The following OPCML variants were observed in gnomAD, a reference collection of about 807,000 sequenced individuals.
OPCML encodes the protein opioid-binding protein/cell adhesion molecule.
In OPCML, 13 loss-of-function variants were observed where a neutral mutation model predicts 37.8. The ratio of observed to expected loss-of-function variants is 0.34; its 90% CI spans 0.22 to 0.55. OPCML has a LOEUF of 0.55. Ranked by LOEUF, OPCML falls within the 20% of genes least tolerant of loss-of-function variation. OPCML has a pLI of 0.91. For synonymous variants in OPCML, 176 were observed against 168.8 expected (o/e 1.04, Z -0.33); for missense variants, 341 against 435.6 (o/e 0.78, Z 1.93).
chr11:132,454,965 C>A (rs772492882), intron 4 of OPCML, among the ~76,000 whole-genome samples: 15 of 152,230 alleles, frequency 9.9e-5, no homozygotes, highest in African/African-American at 2.9e-4. Flanking sequence ...ATCTGACTAA[C>A]CTTTTCCTGT....
At chr11:133,359,799 A>G (rs1944373855) in intron 1 of OPCML, among the ~76,000 whole-genome samples, 1 of 152,224 alleles carries the variant, frequency 6.6e-6, no homozygotes, top group Non-Finnish European at 1.5e-5. Context: ...CTCGGTATTT[A>G]GCGTATTAGT....
intron 4 of OPCML, among the ~76,000 whole-genome samples, chr11:132,461,625 T>C (rs1468053793): frequency 6.6e-6 from 1 of 152,204 alleles, no homozygotes; most frequent in Admixed American, 6.5e-5. Context: ...TAGCAAGAAC[T>C]TGGCCTTATA....
chr11:133,346,562 C>T (rs1038636411), intron 1 of OPCML, among the ~76,000 whole-genome samples: 1 of 152,118 alleles, frequency 6.6e-6, no homozygotes, highest in Non-Finnish European at 1.5e-5. Context: ...ATGCAGTCAC[C>T]AGGTGTCTGG....
intron 2 of OPCML, among the ~76,000 whole-genome samples, chr11:132,729,947 C>T (rs923608644): frequency 2.0e-5 from 3 of 148,908 alleles, no homozygotes; most frequent in Non-Finnish European, 4.5e-5. Context: ...ACAAAGACAA[C>T]AAACTGAGTT....
intron 2 of OPCML, among the ~76,000 whole-genome samples, chr11:132,687,369 CATATATAT>C (rs56834972): frequency 3.3e-3 from 163 of 49,312 alleles, no homozygotes; most frequent in Non-Finnish European, 5.9e-3. Context: ...CCTTAAGCTA[CATATATAT>C]ATATATATAT....
At chr11:133,138,107 G>A (rs1468774138) in intron 1 of OPCML, among the ~76,000 whole-genome samples, 1 of 152,154 alleles carries the variant, frequency 6.6e-6, no homozygotes, top group African/African-American at 2.4e-5. Flanking sequence ...ATGCTTTCTT[G>A]AAAGCGAGTT....
At chr11:132,990,369 A>T (rs1340079020) in intron 1 of OPCML, among the ~76,000 whole-genome samples, 1 of 152,202 alleles carries the variant, frequency 6.6e-6, no homozygotes, top group Non-Finnish European at 1.5e-5. Context: ...TCCTCTCTCA[A>T]CATTTCTGTC....
chr11:132,440,480 C>T (rs1370724625), intron 4 of OPCML, among the ~76,000 whole-genome samples: 3 of 152,234 alleles, frequency 2.0e-5, no homozygotes, highest in Admixed American at 6.5e-5. Flanking sequence ...TGCACTGTGC[C>T]GCGCTGTTCG....
intron 4 of OPCML, among the ~76,000 whole-genome samples, chr11:132,514,689 T>C (rs1347095846): frequency 2.0e-5 from 3 of 152,186 alleles, no homozygotes; most frequent in African/African-American, 7.2e-5. Context: ...ACTGCTTTCA[T>C]GCCTTCTGGG....
At chr11:132,421,310 A>G (rs2095958233) in intron 7 of OPCML, among the ~76,000 whole-genome samples, 1 of 152,158 alleles carries the variant, frequency 6.6e-6, no homozygotes, top group Non-Finnish European at 1.5e-5. Context: ...ATTTCTATAA[A>G]ACTAGTGAAG....
intron 4 of OPCML, among the ~76,000 whole-genome samples, chr11:132,448,213 T>C (rs1209475042): frequency 6.6e-6 from 1 of 152,208 alleles, no homozygotes; most frequent in Non-Finnish European, 1.5e-5. Flanking sequence ...ACTTCCTCTC[T>C]TTCTTTCCTT....
chr11:132,561,209 C>T (rs2096409937), intron 3 of OPCML, among the ~76,000 whole-genome samples: 1 of 152,164 alleles, frequency 6.6e-6, no homozygotes, highest in African/African-American at 2.4e-5. Context: ...TTCATTTTGG[C>T]TCTTACCCTG....
At chr11:132,861,776 A>G (rs561244776) in intron 2 of OPCML, among the ~76,000 whole-genome samples, 6 of 151,670 alleles carry the variant, frequency 4.0e-5, no homozygotes, top group Middle Eastern at 3.4e-3. Context: ...CGGAGCTTGC[A>G]GTGAGCTGAG....
chr11:132,805,903 A>G (rs779716195), intron 2 of OPCML, among the ~76,000 whole-genome samples: 2 of 152,242 alleles, frequency 1.3e-5, no homozygotes, highest in Admixed American at 6.5e-5. Context: ...TGCTATTTAT[A>G]GCAAAAATAA....
At chr11:133,033,122 G>T (rs1947704601) in intron 1 of OPCML, among the ~76,000 whole-genome samples, 1 of 151,988 alleles carries the variant, frequency 6.6e-6, no homozygotes, top group Non-Finnish European at 1.5e-5. Context: ...CCCAGAAAAG[G>T]CTCTTTCATC....
At chr11:133,334,062 A>G (rs1943686190) in intron 1 of OPCML, among the ~76,000 whole-genome samples, 1 of 152,226 alleles carries the variant, frequency 6.6e-6, no homozygotes, top group Non-Finnish European at 1.5e-5. Flanking sequence ...AATTAGTTCA[A>G]CTGTTGTGGA....
chr11:132,515,235 CAT>C (rs1254748162), intron 4 of OPCML, among the ~76,000 whole-genome samples: 3 of 152,074 alleles, frequency 2.0e-5, no homozygotes, highest in Non-Finnish European at 4.4e-5. Flanking sequence ...TTACTCTCAC[CAT>C]TAAGGGATTC....
intron 2 of OPCML, among the ~76,000 whole-genome samples, chr11:132,682,892 C>T (rs562484636): frequency 6.6e-6 from 1 of 152,364 alleles, no homozygotes; most frequent in African/African-American, 2.4e-5. Context: ...TCTCACTTGT[C>T]ACCAGCAGGT....
chr11:132,744,064 G>A (rs1945528667), intron 2 of OPCML, among the ~76,000 whole-genome samples: 1 of 152,172 alleles, frequency 6.6e-6, no homozygotes, highest in African/African-American at 2.4e-5. Context: ...AGATAGCAAA[G>A]CTTCGTTAGC....
Sources: gnomAD v4.1 joint callset for allele counts (sites outside exome capture counted in the v4.1 genomes callset) on GRCh38, gnomAD v4.1.1 for gene constraint, MANE v1.5 for transcripts, NCBI Gene and HGNC (gene_info 2026-07-23, HGNC 2026-07-21) for gene names.